ASF1B: variants seen among roughly 807,000 people sequenced by gnomAD.
ASF1B encodes the protein anti-silencing function 1B histone chaperone.
A neutral mutation model predicts 16.6 loss-of-function variants in ASF1B; 10 were observed. The ratio of observed to expected loss-of-function variants is 0.60; its 90% CI spans 0.37 to 1.02. The LOEUF (loss-of-function observed/expected upper bound fraction) is 1.02. Among genes scored for constraint, ASF1B ranks in the 50% least tolerant of loss-of-function variants. The pLI is 0.01. For missense variants in ASF1B, 240 were observed against 266.0 expected, an observed-to-expected ratio of 0.90 and a Z score of 0.68; for synonymous variants, 101 against 106.2, an observed-to-expected ratio of 0.95 and a Z score of 0.30.
intron 1 of ASF1B, among the ~76,000 whole-genome samples, chr19:14,131,191 T>G (rs1967399422): frequency 6.9e-6 from 1 of 144,928 alleles, no homozygotes; most frequent in Non-Finnish European, 1.5e-5. Context: ...TTTTTTTTCT[T>G]TTTTTTTTTT....
chr19:14,124,404 C>T lies in ASF1B; in HGVS notation c.225+1718G>A, dbSNP rs1967287947. Among the ~76,000 whole-genome samples the T allele has an allele frequency of 2.0e-5, 3 of 152,068 alleles. No individual in the cohort carries two copies. The South Asian group carries it at 6.2e-4, about 32-fold the overall frequency. ...TCCTGGCCTTAAGCAGTCCTCCCGCCTCTGCCTCCCAAAGTGCTGGAAGCC... is the reference window on the plus strand; with the variant it reads ...TCCTGGCCTTAAGCAGTCCTCCCGCTTCTGCCTCCCAAAGTGCTGGAAGCC... On this transcript the variant is annotated intron_variant, in intron 2 of 3. Transcript: ENST00000263382.
At position 14,121,694 on chromosome 19, in the gene ASF1B, G is replaced by A. The variant is rs141527513; in HGVS notation, c.240C>T (p.Asn80=). 6.2e-7 allele frequency: 1 copy of A among 1,613,822 alleles called. No individual in the cohort carries two copies. The highest frequency in any genetic ancestry group is 8.5e-7 in the Non-Finnish European group (1 of 1,179,826). The change falls in exon 3 of 4, where the codon AAC becomes AAT. Residue 80 remains asparagine, a synonymous_variant. Transcript: ENST00000263382. ...HMFVFQADAP[N]PSLIPETDAV... Reference sequence around the variant, plus strand: ...CATCAGTCTCTGGGATGAGGGATGGGTTGGGGGCGTCGGCCTAGGGGAGAC... The same window carrying A: ...CATCAGTCTCTGGGATGAGGGATGGATTGGGGGCGTCGGCCTAGGGGAGAC...
intron 1 of ASF1B, among the ~76,000 whole-genome samples, chr19:14,135,155 T>C (rs898296672): frequency 7.8e-6 from 1 of 128,158 alleles, no homozygotes; most frequent in African/African-American, 3.1e-5. Flanking sequence ...ACTCGGGAGG[T>C]GGAGGTTGCA....
intron 1 of ASF1B, among the ~76,000 whole-genome samples, chr19:14,133,437 G>A (rs1033858708): frequency 6.6e-6 from 1 of 152,130 alleles, no homozygotes; most frequent in Non-Finnish European, 1.5e-5. Flanking sequence ...GGAGGCTGAG[G>A]CGGGCGGATC....
In ASF1B at chr19:14,136,503, G is replaced by A. The variant is rs368151219; in HGVS notation, c.-47C>T. The A allele has an allele frequency of 6.4e-7, 1 of 1,569,064 alleles. No homozygotes were observed. Among genetic ancestry groups the A allele is most frequent in the Non-Finnish European group, 8.7e-7 (1 of 1,148,036 alleles). On this transcript the variant is annotated 5_prime_UTR_variant, in exon 1 of 4. Transcript: ENST00000263382. ...AGCAGGGGCAGGGGCTGTGGCTGTG[G>A]CGGAGGCCGCGCCTGGGTCCGGTGG...
At chr19:14,127,154 G>A (rs1286659909) in intron 1 of ASF1B, among the ~76,000 whole-genome samples, 1 of 152,210 alleles carries the variant, frequency 6.6e-6, no homozygotes, top group African/African-American at 2.4e-5. Flanking sequence ...GACACTTAGT[G>A]CCAGGCACTG....
chr19:14,129,868 GATACAAAAA>G (rs1265298698), intron 1 of ASF1B, among the ~76,000 whole-genome samples: 1 of 150,604 alleles, frequency 6.6e-6, no homozygotes, highest in East Asian at 2.0e-4. Context: ...GCAACATGGT[GATACAAAAA>G]ATACAAAAAA....
intron 1 of ASF1B, among the ~76,000 whole-genome samples, chr19:14,130,505 T>TAAA (rs201790325): frequency 7.2e-6 from 1 of 137,984 alleles, no homozygotes; most frequent in Non-Finnish European, 1.6e-5. Context: ...CCTATCTCTT[T>TAAA]AAAAAAAAAA....
intron 1 of ASF1B, among the ~76,000 whole-genome samples, chr19:14,131,316 C>A (rs938995991): frequency 2.6e-5 from 4 of 151,622 alleles, no homozygotes; most frequent in African/African-American, 7.3e-5. Context: ...TCCTGAGTAG[C>A]TGGGATTATA....
chr19:14,133,587 G>C (rs910468516), intron 1 of ASF1B, among the ~76,000 whole-genome samples: 4 of 151,760 alleles, frequency 2.6e-5, no homozygotes, highest in African/African-American at 9.7e-5. Flanking sequence ...AGAATCGCTT[G>C]AATCTGGGAG....
chr19:14,132,368 G>C (rs556424616), intron 1 of ASF1B, among the ~76,000 whole-genome samples: 2 of 152,130 alleles, frequency 1.3e-5, no homozygotes, highest in South Asian at 4.1e-4. Flanking sequence ...ACGCTGCTGA[G>C]AGTGAGGCAG....
intron 2 of ASF1B, among the ~76,000 whole-genome samples, chr19:14,123,765 C>A: frequency 6.6e-6 from 1 of 150,550 alleles, no homozygotes; most frequent in South Asian, 2.1e-4. Flanking sequence ...ACTCCTGGAA[C>A]TCCTGGGCTC....
At chr19:14,129,847 G>A (rs780847873) in intron 1 of ASF1B, among the ~76,000 whole-genome samples, 2 of 151,064 alleles carry the variant, frequency 1.3e-5, no homozygotes, top group Non-Finnish European at 3.0e-5. Flanking sequence ...AGAAGTTCGA[G>A]ATCAGCCTGG....
At chr19:14,122,819 G>A (rs983517026) in intron 2 of ASF1B, among the ~76,000 whole-genome samples, 8 of 152,130 alleles carry the variant, frequency 5.3e-5, no homozygotes, top group African/African-American at 7.2e-5. Context: ...CAGGCCACCC[G>A]GGGGCCAGCT....
chr19:14,131,278 G>A (rs951862643), intron 1 of ASF1B, among the ~76,000 whole-genome samples: 6 of 150,868 alleles, frequency 4.0e-5, no homozygotes, highest in African/African-American at 9.8e-5. Context: ...TCTGCCTCCC[G>A]GGTTCTAGCG....
intron 1 of ASF1B, among the ~76,000 whole-genome samples, chr19:14,129,532 G>T (rs1225196815): frequency 1.3e-5 from 2 of 151,330 alleles, no homozygotes; most frequent in Non-Finnish European, 2.9e-5. Flanking sequence ...TAAAAATTTA[G>T]CTGGGCATGA....
intron 1 of ASF1B, among the ~76,000 whole-genome samples, chr19:14,132,111 C>T (rs1381917703): frequency 1.3e-5 from 2 of 150,438 alleles, no homozygotes; most frequent in African/African-American, 2.5e-5. Context: ...CACTGCAGCC[C>T]TGACCTCCTG....
chr19:14,136,348 C>G lies in ASF1B; in HGVS notation c.109G>C (p.Asp37His). The change falls in exon 1 of 4, where the codon GAC becomes CAC. Residue 37 changes from aspartate to histidine, a missense_variant and splice_region_variant. By Grantham distance (81) the Asp-to-His change is moderately conservative. Coordinates refer to ENST00000263382, the MANE Select transcript of ASF1B (RefSeq NM_018154.3). ...GGTCCCCGCACAGGCCCAGCCTCAC[C>G]GTCCGCCAGGGCTTCACTGCACTCG... ...SFECSEALAD[D>H]LEWKIIYVGS... 1 of 1,612,690 alleles carries G rather than the reference C, an allele frequency of 6.2e-7. No homozygotes were observed. The highest frequency in any genetic ancestry group is 8.5e-7 in the Non-Finnish European group (1 of 1,179,064).
intron 1 of ASF1B, among the ~76,000 whole-genome samples, chr19:14,129,678 CAAAAAAAAAAAAAAAAA>C (rs549023648): frequency 8.7e-5 from 3 of 34,624 alleles, no homozygotes; most frequent in East Asian, 1.3e-3. Flanking sequence ...CAGCCTCCGT[CAAAAAAAAAAAAAAAAA>C]AAAAAAAAAA....
Sources: allele counts gnomAD v4.1 joint callset (sites outside exome capture counted in the v4.1 genomes callset), GRCh38; gene constraint gnomAD v4.1.1; transcripts MANE v1.5; gene names NCBI Gene and HGNC (gene_info 2026-07-23, HGNC 2026-07-21).